The following MAST4 variants were observed in gnomAD, a reference collection of about 807,000 sequenced individuals.
MAST4 encodes the protein microtubule-associated serine/threonine-protein kinase 4.
In MAST4, 89 loss-of-function variants were observed where a neutral mutation model predicts 162.7. The ratio of observed to expected loss-of-function variants is 0.55; its 90% CI spans 0.46 to 0.65. The LOEUF (loss-of-function observed/expected upper bound fraction) is 0.65, where lower values mean the gene tolerates loss of function less well. Ranked by LOEUF, MAST4 falls within the 30% of genes least tolerant of loss-of-function variation. The probability of loss-of-function intolerance (pLI) is 0.00; values close to 1 mark genes in which losing one functional copy is unlikely to be tolerated. For missense variants in MAST4, 3,153 were observed against 3,374.0 expected (o/e 0.93, Z 1.62); for synonymous variants, 1,479 against 1,361.1 (o/e 1.09, Z -1.91).
chr5:66,930,744 C>G, intron 4 of MAST4: 1 of 470,794 alleles, frequency 2.1e-6, no homozygotes, highest in South Asian at 1.5e-5. Context: ...CACTGTCTTT[C>G]AGCAACTGAG....
At chr5:66,679,551 T>C (rs1748191167) in intron 1 of MAST4, among the ~76,000 whole-genome samples, 1 of 152,190 alleles carries the variant, frequency 6.6e-6, no homozygotes, top group African/African-American at 2.4e-5. Context: ...TGGTGAGATT[T>C]TTCCCTTCTT....
At position 67,032,708 on chromosome 5, in the gene MAST4, T is replaced by G. The variant is rs149863590; in HGVS notation, c.675-21696T>G. On this transcript the variant is annotated intron_variant, in intron 4 of 28. Coordinates refer to ENST00000403625, the MANE Select transcript of MAST4 (RefSeq NM_001164664.2). ...TCATATGGTCACATGTGTCAGTATG[T>G]ACAATGATTATTTACCATAGACTTT... 2.0e-5 allele frequency among the ~76,000 whole-genome samples: 3 copies of G among 152,280 alleles called. No homozygotes were observed. The East Asian group carries it at 5.8e-4, about 29-fold the overall frequency.
chr5:67,146,295 C>A lies in MAST4; in HGVS notation c.3094+916C>A, dbSNP rs546272716. Among the ~76,000 whole-genome samples the A allele has an allele frequency of 1.6e-4, 25 of 152,320 alleles. No homozygotes were observed. The South Asian group carries it at 5.2e-3, about 32-fold the overall frequency. On this transcript the variant is annotated intron_variant, in intron 23 of 28. Transcript: ENST00000403625. ...GAGCTTAATATATCATGGATACTTG[C>A]TGGTCATTAGTAATGGAGGTATCCT...
At chr5:67,064,543 C>T (rs1760002120) in intron 5 of MAST4, among the ~76,000 whole-genome samples, 1 of 152,194 alleles carries the variant, frequency 6.6e-6, no homozygotes, top group Non-Finnish European at 1.5e-5. Flanking sequence ...GTACATCATA[C>T]ATTATCTTAA....
intron 4 of MAST4, among the ~76,000 whole-genome samples, chr5:67,022,708 C>T (rs772684188): frequency 4.6e-5 from 7 of 152,058 alleles, no homozygotes; most frequent in African/African-American, 9.7e-5. Flanking sequence ...TGTTCAAATA[C>T]GAAACATTAC....
intron 1 of MAST4, among the ~76,000 whole-genome samples, chr5:66,758,408 TATTTA>T (rs1421398116): frequency 1.3e-5 from 2 of 151,630 alleles, no homozygotes; most frequent in African/African-American, 4.8e-5. Context: ...TATTTCTATT[TATTTA>T]ATTATTTTTT....
intron 2 of MAST4, among the ~76,000 whole-genome samples, chr5:66,760,415 A>G (rs964485251): frequency 9.2e-5 from 14 of 152,024 alleles, no homozygotes; most frequent in Non-Finnish European, 1.5e-4. Flanking sequence ...CACCCGGCCA[A>G]TATCCCCAAT....
chr5:66,845,089 A>ATTTATG (rs1267915598), intron 3 of MAST4, among the ~76,000 whole-genome samples: 1 of 25,262 alleles, frequency 4.0e-5, no homozygotes, highest in African/African-American at 1.1e-4. Context: ...TAATCTTTAT[A>ATTTATG]TATATATATA....
At chr5:66,850,683 G>T (rs541849946) in intron 3 of MAST4, among the ~76,000 whole-genome samples, 16 of 152,216 alleles carry the variant, frequency 1.1e-4, no homozygotes, top group Non-Finnish European at 1.8e-4. Context: ...TTAGACTTGG[G>T]TCTTTTCCCC....
In MAST4 at chr5:66,992,628, A is replaced by G. The variant is rs1750185870; in HGVS notation, c.675-61776A>G. 4.6e-5 allele frequency among the ~76,000 whole-genome samples: 7 copies of G among 152,214 alleles called. No individual in the cohort carries two copies. The South Asian group carries it at 1.4e-3, about 32-fold the overall frequency. On this transcript the variant is annotated intron_variant, in intron 4 of 28. Coordinates refer to ENST00000403625, the MANE Select transcript of MAST4 (RefSeq NM_001164664.2). ...AATCTCATCTAAAGCCTTAGGTGAG[A>G]TTGATTGTCTGTGCAATACAGGCAA...
chr5:67,096,869 T>G (rs750777840), intron 7 of MAST4, among the ~76,000 whole-genome samples: 2 of 152,160 alleles, frequency 1.3e-5, no homozygotes, highest in Admixed American at 6.5e-5. Flanking sequence ...CTAACAACCT[T>G]AAGTAGTTTC....
intron 3 of MAST4, among the ~76,000 whole-genome samples, chr5:66,814,827 T>C (rs1018241138): frequency 2.1e-5 from 3 of 145,286 alleles, no homozygotes; most frequent in African/African-American, 7.5e-5. Flanking sequence ...ATTAAAAAGC[T>C]TTATGATGCA....
intron 1 of MAST4, among the ~76,000 whole-genome samples, chr5:66,719,595 T>G (rs1368427811): frequency 6.6e-6 from 1 of 152,224 alleles, no homozygotes. Context: ...GTGCTGAACG[T>G]GCAGGTTCGT....
chr5:66,824,773 T>C (rs2149740858), intron 3 of MAST4, among the ~76,000 whole-genome samples: 1 of 152,348 alleles, frequency 6.6e-6, no homozygotes, highest in East Asian at 1.9e-4. Context: ...TCTACAAACC[T>C]GTACAGCATG....
At chr5:66,777,262 C>T (rs969866043) in intron 2 of MAST4, among the ~76,000 whole-genome samples, 49 of 152,114 alleles carry the variant, frequency 3.2e-4, no homozygotes, top group African/African-American at 1.1e-3. Flanking sequence ...TGATCTAATC[C>T]GAAGATGACA....
At position 67,142,628 on chromosome 5, in the gene MAST4, C is replaced by T. The variant is rs922206731; in HGVS notation, c.2730+95C>T. ...CGAACAGCTGGACACTTACCGTTTT[C>T]CAGGGTTTGAGGTCTCCTATGCTTA... On this transcript the variant is annotated intron_variant, in intron 21 of 28. Transcript: ENST00000403625. 4 of 863,084 alleles carry T rather than the reference C, an allele frequency of 4.6e-6. No homozygotes were observed. The Admixed American group carries it at 7.4e-5, about 16-fold the overall frequency. The allele number at this position is 863,084 out of a possible 1,614,324, so 53.5% of individuals were successfully genotyped here.
At chr5:66,801,530 G>A (rs1009461527) in intron 3 of MAST4, among the ~76,000 whole-genome samples, 2 of 152,172 alleles carry the variant, frequency 1.3e-5, no homozygotes, top group African/African-American at 2.4e-5. Context: ...ATTATATTGT[G>A]CACCACTGGG....
intron 2 of MAST4, among the ~76,000 whole-genome samples, chr5:66,778,720 T>C (rs1754714556): frequency 6.6e-6 from 1 of 152,230 alleles, no homozygotes; most frequent in South Asian, 2.1e-4. Context: ...AAGATGACTT[T>C]ATCTTTGAAT....
At chr5:66,871,609 T>C (rs980141106) in intron 3 of MAST4, among the ~76,000 whole-genome samples, 2 of 152,222 alleles carry the variant, frequency 1.3e-5, no homozygotes, top group Admixed American at 1.3e-4. Context: ...GAACAGTTAT[T>C]AGCAGACAGG....
Sources: gnomAD v4.1 joint callset for allele counts (sites outside exome capture counted in the v4.1 genomes callset) on GRCh38, gnomAD v4.1.1 for gene constraint, MANE v1.5 for transcripts, NCBI Gene and HGNC (gene_info 2026-07-23, HGNC 2026-07-21) for gene names.